Variants in ESRRG observed in about 807,000 individuals in gnomAD.
ESRRG encodes the protein estrogen related receptor gamma, also known as estrogen-related receptor gamma.
ESRRG carries 13 observed loss-of-function variants against 44.0 expected under a neutral mutation model. The ratio of observed to expected loss-of-function variants is 0.30; its 90% confidence interval spans 0.19 to 0.47. The LOEUF is 0.47. Ranked by LOEUF, ESRRG falls within the 20% of genes least tolerant of loss-of-function variation. The pLI, the probability that ESRRG is intolerant of heterozygous loss-of-function variation, is 1.00. For missense variants in ESRRG, 395 were observed against 580.6 expected (o/e 0.68, Z 3.29); for synonymous variants, 215 against 214.6 (o/e 1.00, Z -0.02).
chr1:216,633,807 G>A (rs985792174), intron 3 of ESRRG, among the ~76,000 whole-genome samples: 4 of 152,166 alleles, frequency 2.6e-5, no homozygotes, highest in African/African-American at 7.2e-5. Context: ...TTCTGAGAAA[G>A]CATTTGAATA....
chr1:216,841,223 G>A (rs573768204), intron 2 of ESRRG, among the ~76,000 whole-genome samples: 37 of 152,060 alleles, frequency 2.4e-4, no homozygotes, highest in Admixed American at 1.3e-3. Context: ...GGGAGTGAGA[G>A]AGAAGCATCA....
chr1:216,925,584 G>T (rs1049375105), intron 2 of ESRRG, among the ~76,000 whole-genome samples: 2 of 152,122 alleles, frequency 1.3e-5, no homozygotes, highest in African/African-American at 4.8e-5. Flanking sequence ...TCTGTTTTTG[G>T]GGGGACAGGG....
At chr1:216,559,731 C>T (rs1272491781) in intron 5 of ESRRG, among the ~76,000 whole-genome samples, 1 of 152,132 alleles carries the variant, frequency 6.6e-6, no homozygotes, top group African/African-American at 2.4e-5. Flanking sequence ...ATTTTATCCA[C>T]CAGTACCCAG....
chr1:216,961,152 T>C (rs2068967450), intron 1 of ESRRG, among the ~76,000 whole-genome samples: 1 of 152,134 alleles, frequency 6.6e-6, no homozygotes, highest in South Asian at 2.1e-4. Context: ...ACAAAGTAAA[T>C]TGCAGATCCA....
In ESRRG at chr1:216,869,287, G is replaced by A. The variant is rs1022808736; in HGVS notation, c.-14+70295C>T. ...GGTGAAGGTTTAACTTTTTCCCCCT[G>A]TTGATGTTCAGTTTTTCCAACATCA... On this transcript the variant is annotated intron_variant, in intron 2 of 7. Coordinates refer to the ESRRG transcript ENST00000359162. Among the ~76,000 whole-genome samples, 4 of 152,036 alleles carry A rather than the reference G, an allele frequency of 2.6e-5. 1 individual carries two copies. Among genetic ancestry groups the A allele is most frequent in the Non-Finnish European group, 5.9e-5 (4 of 67,938 alleles).
intron 2 of ESRRG, among the ~76,000 whole-genome samples, chr1:216,808,095 T>C (rs1448890472): frequency 6.6e-6 from 1 of 152,206 alleles, no homozygotes; most frequent in East Asian, 1.9e-4. Flanking sequence ...GAATTCTTTC[T>C]ATACTGGCCC....
At chr1:216,981,791 G>A (rs1445862680) in intron 1 of ESRRG, among the ~76,000 whole-genome samples, 1 of 152,008 alleles carries the variant, frequency 6.6e-6, no homozygotes, top group East Asian at 1.9e-4. Context: ...GTCACCTGAG[G>A]ATGAGGGTCA....
intron 2 of ESRRG, among the ~76,000 whole-genome samples, chr1:216,891,441 T>C (rs1404643632): frequency 6.6e-6 from 1 of 152,080 alleles, no homozygotes; most frequent in Non-Finnish European, 1.5e-5. Flanking sequence ...GACGTGCATA[T>C]GCACACACGT....
intron 3 of ESRRG, among the ~76,000 whole-genome samples, chr1:216,619,685 C>T (rs924639233): frequency 6.6e-6 from 1 of 152,146 alleles, no homozygotes; most frequent in Non-Finnish European, 1.5e-5. Flanking sequence ...ACCTTCCCAA[C>T]CATAATTTTT....
At chr1:216,606,149 C>CCA (rs2059907738) in intron 3 of ESRRG, among the ~76,000 whole-genome samples, 1 of 152,178 alleles carries the variant, frequency 6.6e-6, no homozygotes, top group African/African-American at 2.4e-5. Context: ...ACCCCAACCA[C>CCA]CACACACTTA....
chr1:216,923,547 C>G (rs1460460925), intron 2 of ESRRG, among the ~76,000 whole-genome samples: 4 of 152,072 alleles, frequency 2.6e-5, no homozygotes, highest in African/African-American at 9.7e-5. Context: ...GGCATTCTAG[C>G]CTTCAAAAGC....
At chr1:216,742,842 G>T (rs535647459) in intron 2 of ESRRG, among the ~76,000 whole-genome samples, 1 of 151,908 alleles carries the variant, frequency 6.6e-6, no homozygotes, top group South Asian at 2.1e-4. Flanking sequence ...TCTGGTGTTG[G>T]ACTCTCCCAG....
At chr1:217,104,907 C>A (rs2092567399) in intron 1 of ESRRG, among the ~76,000 whole-genome samples, 1 of 152,158 alleles carries the variant, frequency 6.6e-6, no homozygotes, top group Non-Finnish European at 1.5e-5. Context: ...TTGTGAGTAA[C>A]AAATCTTGGG....
intron 1 of ESRRG, among the ~76,000 whole-genome samples, chr1:217,063,997 T>C (rs1580292961): frequency 6.6e-6 from 1 of 152,176 alleles, no homozygotes; most frequent in East Asian, 1.9e-4. Context: ...CTTCACCATA[T>C]AAACACACAC....
At chr1:216,661,424 C>T (rs2072378108) in intron 2 of ESRRG, among the ~76,000 whole-genome samples, 1 of 152,116 alleles carries the variant, frequency 6.6e-6, no homozygotes, top group Non-Finnish European at 1.5e-5. Context: ...TCAAAACATG[C>T]AACAACAACA....
intron 2 of ESRRG, among the ~76,000 whole-genome samples, chr1:216,866,622 G>A (rs1207444921): frequency 1.3e-5 from 2 of 150,818 alleles, no homozygotes; most frequent in African/African-American, 4.9e-5. Flanking sequence ...CTCAGCTGGA[G>A]TGCAATGGTG....
At chr1:216,724,991 C>T (rs1489371854), upstream of ESRRG, among the ~76,000 whole-genome samples, 2 of 152,078 alleles carry the variant, frequency 1.3e-5, no homozygotes, top group Admixed American at 1.3e-4. Flanking sequence ...TAAATTAGTT[C>T]AGATATTCAT....
intron 1 of ESRRG, among the ~76,000 whole-genome samples, chr1:217,064,888 A>G (rs1454241740): frequency 1.3e-5 from 2 of 152,082 alleles, no homozygotes; most frequent in Admixed American, 6.6e-5. Context: ...CTAAACCTCA[A>G]TATATCCTGA....
At chr1:216,896,664 T>C (rs1242397364) in intron 2 of ESRRG, among the ~76,000 whole-genome samples, 1 of 152,234 alleles carries the variant, frequency 6.6e-6, no homozygotes, top group Non-Finnish European at 1.5e-5. Context: ...GAACCCAGTC[T>C]GTCAATTTTT....
Sources: allele counts gnomAD v4.1 joint callset (sites outside exome capture counted in the v4.1 genomes callset), GRCh38; gene constraint gnomAD v4.1.1; transcripts MANE v1.5; gene names NCBI Gene and HGNC (gene_info 2026-07-23, HGNC 2026-07-21).